Variants in PDIA3 observed in about 807,000 individuals in gnomAD.
PDIA3 encodes protein disulfide isomerase family A member 3, also known as protein disulfide-isomerase A3.
Under a neutral mutation model 56.9 loss-of-function variants are expected in PDIA3, and 16 were observed. The ratio of observed to expected loss-of-function variants is 0.28; its 90% CI spans 0.19 to 0.43. The LOEUF (loss-of-function observed/expected upper bound fraction) is 0.43, where lower values mean the gene tolerates loss of function less well. PDIA3 is among the 20% of genes least tolerant of loss of function. PDIA3 has a pLI of 1.00. For missense variants in PDIA3, 485 were observed against 621.3 expected (o/e 0.78, Z 2.33); for synonymous variants, 192 against 216.5 (o/e 0.89, Z 0.99).
At chr15:43,769,166 T>C (rs986239632) in intron 9 of PDIA3, among the ~76,000 whole-genome samples, 2 of 152,154 alleles carry the variant, frequency 1.3e-5, no homozygotes, top group Admixed American at 6.6e-5. Flanking sequence ...GTGTGTTGCT[T>C]TGAATTTTTT....
chr15:43,756,830 A>C, intron 3 of PDIA3, 64 bp downstream of exon 3: 1 of 912,894 alleles, frequency 1.1e-6, no homozygotes, highest in Non-Finnish European at 1.8e-6. Flanking sequence ...TAGTGGAAAC[A>C]TAAAAATGTG....
At chr15:43,765,283 A>C (rs371074207) in intron 5 of PDIA3, among the ~76,000 whole-genome samples, 167 bp from the exon 6 acceptor site, 3 of 152,036 alleles carry the variant, frequency 2.0e-5, no homozygotes, top group Non-Finnish European at 4.4e-5. Context: ...TGGGCAGCTA[A>C]GGTAGGAGGA....
chr15:43,752,859 G>C (rs2086753648), intron 1 of PDIA3: 1 of 470,974 alleles, frequency 2.1e-6, no homozygotes, highest in Admixed American at 2.3e-5. Flanking sequence ...TTTTGAAAAG[G>C]TGATGTACAG....
rs2086891445 is a variant in PDIA3 at position 43,773,172 on chromosome 15, A to G, written c.*1954A>G. On this transcript the variant is annotated 3_prime_UTR_variant, in exon 13 of 13. Transcript: ENST00000300289. ...AGGATGAGACCTTTAATGTGGGACA[A>G]TTTCTGGTGAAGGTACTCACAGCGA... is the stretch of plus-strand genomic sequence containing the variant. The G allele has an allele frequency of 6.2e-7, 1 of 1,613,898 alleles. No individual in the cohort carries two copies. The highest frequency in any genetic ancestry group is 8.5e-7 in the Non-Finnish European group (1 of 1,179,968).
chr15:43,765,420 C>T, intron 5 of PDIA3, 30 bp from the exon 6 acceptor site: 1 of 1,223,278 alleles, frequency 8.2e-7, no homozygotes, highest in South Asian at 1.3e-5. Flanking sequence ...TGCTATCTGC[C>T]TACTGAGACT....
intron 3 of PDIA3, among the ~76,000 whole-genome samples, chr15:43,758,782 C>T (rs2086796105): frequency 6.6e-6 from 1 of 151,960 alleles, no homozygotes; most frequent in South Asian, 2.1e-4. Context: ...TCTAGACCAG[C>T]CTGGCCAACA....
Position 43,770,223 on chromosome 15 carries a change from T to G in PDIA3, c.1267-27T>G. On this transcript the variant is annotated intron_variant, in intron 10 of 12. Transcript: ENST00000300289. ...CCTCTGTCACTGAAAACTTGAAATG[T>G]AAACATTTAACCTGTTTTATTAACA... 2 of 1,578,652 alleles carry G rather than the reference T, an allele frequency of 1.3e-6. 1 individual carries two copies. The highest frequency in any genetic ancestry group is 3.4e-5 in the Admixed American group (2 of 59,632).
chr15:43,752,945 A>G (rs2086754276), intron 1 of PDIA3: 1 of 461,700 alleles, frequency 2.2e-6, no homozygotes, highest in Non-Finnish European at 4.5e-6. Flanking sequence ...CCTCTGGGAA[A>G]GGTATTCTAG....
At chr15:43,770,111 A>C in intron 10 of PDIA3, 139 bp from the exon 11 acceptor site, 1 of 649,086 alleles carries the variant, frequency 1.5e-6, no homozygotes, top group Non-Finnish European at 2.7e-6. Flanking sequence ...CTGGAATTAC[A>C]GGTGCGCACC....
At chr15:43,764,193 C>T (rs1001364998) in intron 5 of PDIA3, among the ~76,000 whole-genome samples, 1 of 152,274 alleles carries the variant, frequency 6.6e-6, no homozygotes, top group East Asian at 1.9e-4. Flanking sequence ...TTCACAAAAA[C>T]AATTTGCAAC....
rs2086887284 is a variant in PDIA3 at position 43,772,487 on chromosome 15, C to T, written c.*1269C>T. ...AATCTTGTAACTCATAACATCTGGGCTGGGGCCCGGGGATCTAATTGTTTA... is the reference window on the plus strand; with the variant it reads ...AATCTTGTAACTCATAACATCTGGGTTGGGGCCCGGGGATCTAATTGTTTA... On this transcript the variant is annotated 3_prime_UTR_variant, in exon 13 of 13. Coordinates refer to ENST00000300289, the MANE Select transcript of PDIA3 (RefSeq NM_005313.5). 1 of 152,214 alleles carries T rather than the reference C, an allele frequency of 6.6e-6. No individual in the cohort carries two copies. The highest frequency in any genetic ancestry group is 6.5e-5 in the Admixed American group (1 of 15,280). The allele number at this position is 152,214 out of a possible 1,614,324, so 9.4% of individuals were successfully genotyped here.
intron 6 of PDIA3, 131 bp from the exon 7 acceptor site, chr15:43,765,756 A>G: frequency 6.1e-6 from 6 of 989,060 alleles, no homozygotes; most frequent in Non-Finnish European, 9.3e-6. Flanking sequence ...TGTAAGGTAT[A>G]TATTGCTCAG....
chr15:43,749,304 A>T (rs1303006188), intron 1 of PDIA3, among the ~76,000 whole-genome samples: 6 of 151,308 alleles, frequency 4.0e-5, no homozygotes, highest in Non-Finnish European at 7.4e-5. Flanking sequence ...TGTTAGCCTG[A>T]TGGTGAACTC....
intron 2 of PDIA3, among the ~76,000 whole-genome samples, chr15:43,755,692 T>A (rs945727681): frequency 1.3e-5 from 2 of 152,156 alleles, no homozygotes; most frequent in Non-Finnish European, 2.9e-5. Context: ...GGCGGGTGGA[T>A]CTCCTGAGGT....
At chr15:43,767,110 G>C (rs774516847) in intron 8 of PDIA3, among the ~76,000 whole-genome samples, 200 bp downstream of exon 8, 5 of 152,180 alleles carry the variant, frequency 3.3e-5, no homozygotes, top group Non-Finnish European at 7.3e-5. Context: ...AGCACTTTGG[G>C]AGGCCAAGGC....
intron 6 of PDIA3, 133 bp from the exon 7 acceptor site, chr15:43,765,752 GTA>G: frequency 1.0e-6 from 1 of 953,866 alleles, no homozygotes; most frequent in Admixed American, 2.2e-5. Context: ...ATCCTGTAAG[GTA>G]TATATTGCTC....
intron 9 of PDIA3, among the ~76,000 whole-genome samples, chr15:43,769,035 A>C (rs2086865654): frequency 6.6e-6 from 1 of 151,982 alleles, no homozygotes; most frequent in Non-Finnish European, 1.5e-5. Context: ...AAAAAAAAAA[A>C]AAGCATTGGC....
At chr15:43,751,145 A>G (rs970486511) in intron 1 of PDIA3, among the ~76,000 whole-genome samples, 12 of 118,018 alleles carry the variant, frequency 1.0e-4, no homozygotes, top group African/African-American at 3.3e-4. Flanking sequence ...AAAAAAAAAA[A>G]AAATAATATA....
At position 43,753,972 on chromosome 15, in the gene PDIA3, G is replaced by T; in HGVS notation, c.246+70G>T. The T allele has an allele frequency of 2.9e-6, 3 of 1,020,504 alleles. No homozygotes were observed. In the East Asian group the frequency reaches 7.1e-5, roughly 24 times the overall value. The allele number at this position is 1,020,504 out of a possible 1,614,324, so 63.2% of individuals were successfully genotyped here. A position where few individuals can be genotyped will look rare whatever the true frequency, so the allele number is the denominator to read the frequency against. ...AAAAGTAGTTTGTTGTCTCAGCTTTGTTACATGGAAAAAAATAACAGTAAT... is the reference window on the plus strand; with the variant it reads ...AAAAGTAGTTTGTTGTCTCAGCTTTTTTACATGGAAAAAAATAACAGTAAT... On this transcript the variant is annotated intron_variant, in intron 2 of 12. Coordinates refer to ENST00000300289, the MANE Select transcript of PDIA3 (RefSeq NM_005313.5).
Sources: gnomAD v4.1 joint callset for allele counts (sites outside exome capture counted in the v4.1 genomes callset) on GRCh38, gnomAD v4.1.1 for gene constraint, MANE v1.5 for transcripts, NCBI Gene and HGNC (gene_info 2026-07-23, HGNC 2026-07-21) for gene names.